The following DEPTOR variants were observed in gnomAD, a reference collection of about 807,000 sequenced individuals.
DEPTOR encodes DEP domain containing MTOR interacting protein, also known as DEP domain-containing mTOR-interacting protein.
DEPTOR carries 41 observed loss-of-function variants against 41.6 expected under a neutral mutation model. That is an observed-to-expected ratio of 0.98 (90% CI 0.77 to 1.28). The LOEUF is 1.28. Ranked by LOEUF, DEPTOR falls within the 50% of genes most tolerant of loss-of-function variation. The probability of loss-of-function intolerance (pLI) is 0.00; values close to 1 mark genes in which losing one functional copy is unlikely to be tolerated. For synonymous variants in DEPTOR, 195 were observed against 192.3 expected (o/e 1.01, Z -0.12); for missense variants, 514 against 527.9 (o/e 0.97, Z 0.26).
chr8:120,030,349 G>C (rs1471399551), intron 8 of DEPTOR, among the ~76,000 whole-genome samples: 1 of 151,934 alleles, frequency 6.6e-6, no homozygotes, highest in Admixed American at 6.6e-5. Flanking sequence ...TGAATGTTTA[G>C]GGCAGGGGCA....
At chr8:119,895,655 A>C (rs4871772) in intron 1 of DEPTOR, among the ~76,000 whole-genome samples, 75,747 of 152,046 alleles carry the variant, frequency 0.5, 20,590 homozygotes, top group East Asian at 0.92. Flanking sequence ...AGGCCAGGCT[A>C]CTAGTCCCAG....
At chr8:119,878,321 A>AC (rs1827254137) in intron 1 of DEPTOR, among the ~76,000 whole-genome samples, 1 of 104,286 alleles carries the variant, frequency 9.6e-6, no homozygotes, top group Non-Finnish European at 2.1e-5. Flanking sequence ...CAATCCTGAC[A>AC]CTTTTTTTTT....
chr8:119,889,098 A>T (rs1288224873), intron 1 of DEPTOR, among the ~76,000 whole-genome samples: 2 of 152,298 alleles, frequency 1.3e-5, no homozygotes, highest in Admixed American at 1.3e-4. Context: ...AATTCAATAG[A>T]TATAAAAACT....
chr8:119,880,237 T>C (rs771939682), intron 1 of DEPTOR, among the ~76,000 whole-genome samples: 3 of 152,136 alleles, frequency 2.0e-5, no homozygotes, highest in Non-Finnish European at 4.4e-5. Flanking sequence ...GTAGCAATTA[T>C]AATAATAACA....
rs11395630 is a variant in DEPTOR at position 120,001,505 on chromosome 8, G to GTTTT, written c.605-12_605-9dup. The GTTTT allele has an allele frequency of 5.7e-6, 7 of 1,224,748 alleles. No individual in the cohort carries two copies. Among genetic ancestry groups the GTTTT allele is most frequent in the South Asian group, 1.5e-5 (1 of 66,354 alleles). 75.9% of individuals were successfully genotyped at this position (1,224,748 alleles called of 1,614,324 possible). A position where few individuals can be genotyped will look rare whatever the true frequency, so the allele number is the denominator to read the frequency against. On this transcript the variant is annotated intron_variant, in intron 4 of 8. Coordinates refer to ENST00000286234, the MANE Select transcript of DEPTOR (RefSeq NM_022783.4). ...GGATGCCAGATAGTCCTCATTGGTT[G>GTTTT]TTTTTTTTTTTCTCCCCAGTGTCCA...
chr8:120,018,304 G>A (rs1426640605), intron 8 of DEPTOR, among the ~76,000 whole-genome samples: 7 of 152,148 alleles, frequency 4.6e-5, no homozygotes, highest in Admixed American at 2.6e-4. Context: ...ATAACCGGGC[G>A]TGGTGGCTCA....
intron 1 of DEPTOR, among the ~76,000 whole-genome samples, chr8:119,889,992 TCTCA>T (rs1563957889): frequency 6.6e-6 from 1 of 152,178 alleles, no homozygotes; most frequent in African/African-American, 2.4e-5. Context: ...TTAGACGGAG[TCTCA>T]CTCTGTTGCC....
At chr8:119,994,904 G>A (rs1310204423) in intron 4 of DEPTOR, among the ~76,000 whole-genome samples, 6 of 134,642 alleles carry the variant, frequency 4.5e-5, no homozygotes, top group Admixed American at 7.9e-5. Flanking sequence ...GCAACACAGT[G>A]AGACTCTGTC....
intron 6 of DEPTOR, among the ~76,000 whole-genome samples, chr8:120,006,494 A>G (rs1325083817): frequency 6.6e-6 from 1 of 151,814 alleles, no homozygotes; most frequent in Non-Finnish European, 1.5e-5. Context: ...ATTGCACTCC[A>G]TCCTGGGTGA....
intron 8 of DEPTOR, among the ~76,000 whole-genome samples, chr8:120,009,428 C>A (rs544952326): frequency 6.6e-6 from 1 of 151,844 alleles, no homozygotes; most frequent in Non-Finnish European, 1.5e-5. Context: ...GCCTGGCCAC[C>A]GTGGCGAAAC....
At chr8:119,971,071 A>C (rs1020631213) in intron 4 of DEPTOR, among the ~76,000 whole-genome samples, 1 of 152,112 alleles carries the variant, frequency 6.6e-6, no homozygotes, top group Non-Finnish European at 1.5e-5. Flanking sequence ...TCTGCTAAAA[A>C]TACAAAAAAA....
At chr8:119,965,141 T>C in intron 3 of DEPTOR, 91 bp from the exon 4 acceptor site, 1 of 1,371,386 alleles carries the variant, frequency 7.3e-7, no homozygotes. Flanking sequence ...CTGACAACTT[T>C]GCTGTAGTAC....
chr8:120,007,120 T>C (rs1297802577), intron 7 of DEPTOR, among the ~76,000 whole-genome samples: 1 of 152,236 alleles, frequency 6.6e-6, no homozygotes, highest in African/African-American at 2.4e-5. Context: ...AAGAAAAGAT[T>C]TCCATTATGC....
At chr8:119,939,610 C>T (rs1828175488) in intron 3 of DEPTOR, among the ~76,000 whole-genome samples, 1 of 152,046 alleles carries the variant, frequency 6.6e-6, no homozygotes, top group Admixed American at 6.6e-5. Context: ...GCCTCAGCCT[C>T]CCGAATAGCT....
At chr8:120,019,451 G>A (rs541978162) in intron 8 of DEPTOR, among the ~76,000 whole-genome samples, 1 of 152,308 alleles carries the variant, frequency 6.6e-6, no homozygotes, top group African/African-American at 2.4e-5. Context: ...TTTCAAGTCA[G>A]CCTCTTTCAG....
intron 1 of DEPTOR, among the ~76,000 whole-genome samples, chr8:119,925,480 G>T (rs1467059705): frequency 6.6e-6 from 1 of 151,988 alleles, no homozygotes; most frequent in Admixed American, 6.6e-5. Flanking sequence ...TCATTACCAC[G>T]CGAACAGTAT....
intron 1 of DEPTOR, among the ~76,000 whole-genome samples, chr8:119,881,105 A>C (rs574259751): frequency 6.6e-6 from 1 of 152,250 alleles, no homozygotes. Flanking sequence ...CCTTTTTTCT[A>C]TAACAGGCTG....
chr8:120,040,446 G>A (rs1167477219), intron 8 of DEPTOR, among the ~76,000 whole-genome samples: 1 of 151,884 alleles, frequency 6.6e-6, no homozygotes, highest in East Asian at 2.0e-4. Flanking sequence ...CGTGGTGGTG[G>A]GCGCCTGTAG....
chr8:119,997,989 A>C (rs1188652151), intron 4 of DEPTOR, among the ~76,000 whole-genome samples: 1 of 152,158 alleles, frequency 6.6e-6, no homozygotes, highest in Non-Finnish European at 1.5e-5. Context: ...TTTTTGTTTA[A>C]CTTCTGTTTT....
Sources: allele counts gnomAD v4.1 joint callset (sites outside exome capture counted in the v4.1 genomes callset), GRCh38; gene constraint gnomAD v4.1.1; transcripts MANE v1.5; gene names NCBI Gene and HGNC (gene_info 2026-07-23, HGNC 2026-07-21).